The following UTS2 variants were observed in gnomAD, a reference collection of about 807,000 sequenced individuals.
UTS2 encodes urotensin 2, also known as urotensin-2.
Under a neutral mutation model 12.6 loss-of-function variants are expected in UTS2, and 10 were observed. The observed-to-expected ratio is 0.80, with a 90% CI of 0.49 to 1.35. The LOEUF is 1.35. Among genes scored for constraint, UTS2 ranks in the 40% most tolerant of loss-of-function variants. UTS2 has a pLI of 0.00. For missense variants in UTS2, 142 were observed against 143.2 expected (o/e 0.99, Z 0.04); for synonymous variants, 52 against 50.0 (o/e 1.04, Z -0.17).
chr1:7,869,714 G>A, the UTS2 span, among the ~76,000 whole-genome samples: 4 of 152,240 alleles, frequency 2.6e-5, no homozygotes, highest in African/African-American at 4.8e-5. Flanking sequence ...TCACGCACCC[G>A]AGTGATGGCC....
the UTS2 span, among the ~76,000 whole-genome samples, chr1:7,887,592 CAAAAA>C: frequency 4.8e-4 from 30 of 62,440 alleles, no homozygotes; most frequent in Admixed American, 8.0e-4. Flanking sequence ...CCAGTCTCTA[CAAAAA>C]AAAAAAAAAA....
chr1:7,875,059 T>A, the UTS2 span, among the ~76,000 whole-genome samples: 7 of 151,998 alleles, frequency 4.6e-5, no homozygotes, highest in South Asian at 1.0e-3. Flanking sequence ...TTCTTTATTT[T>A]TTTTTTCTTT....
At chr1:7,863,061 TTGTA>T in the UTS2 span, among the ~76,000 whole-genome samples, 5 of 84,304 alleles carry the variant, frequency 5.9e-5, no homozygotes, top group African/African-American at 2.1e-4. Flanking sequence ...TTGTATTGTA[TTGTA>T]TTGTATTGTA....
chr1:7,877,256 A>T, the UTS2 span, among the ~76,000 whole-genome samples: 2 of 152,152 alleles, frequency 1.3e-5, no homozygotes, highest in Non-Finnish European at 2.9e-5. Context: ...ACAGACTCCA[A>T]TGAAAAAGAG....
At chr1:7,902,529 G>T in the UTS2 span, among the ~76,000 whole-genome samples, 1 of 152,098 alleles carries the variant, frequency 6.6e-6, no homozygotes, top group Non-Finnish European at 1.5e-5. Flanking sequence ...ATCATTGTTG[G>T]ACTATTAAGT....
chr1:7,895,852 T>C, the UTS2 span, among the ~76,000 whole-genome samples: 2 of 152,242 alleles, frequency 1.3e-5, no homozygotes, highest in Non-Finnish European at 2.9e-5. Context: ...TTTCTGCTTC[T>C]ACATTTTCTT....
chr1:7,852,502 CAAAT>C (rs2307547), intron 1 of UTS2, among the ~76,000 whole-genome samples: 78,344 of 151,402 alleles, frequency 0.52, 20,702 homozygotes, highest in Middle Eastern at 0.77. Flanking sequence ...AAAGGTGAAA[CAAAT>C]AAATCCATTA....
At chr1:7,887,351 T>C in the UTS2 span, among the ~76,000 whole-genome samples, 1 of 151,908 alleles carries the variant, frequency 6.6e-6, no homozygotes, top group African/African-American at 2.4e-5. Context: ...AGCCCCTCCA[T>C]TGCCACTGGA....
At chr1:7,849,431 G>A (rs1056339550) in intron 3 of UTS2, among the ~76,000 whole-genome samples, 10 of 151,872 alleles carry the variant, frequency 6.6e-5, no homozygotes, top group Non-Finnish European at 1.0e-4. Flanking sequence ...GGCTGGTCTC[G>A]AACTTCTGAC....
chr1:7,890,964 T>TCCCCCCCCCC, the UTS2 span, among the ~76,000 whole-genome samples: 1 of 82,908 alleles, frequency 1.2e-5, no homozygotes, highest in Non-Finnish European at 2.7e-5. Context: ...TGTGATACCC[T>TCCCCCCCCCC]CCACCCCCCC....
chr1:7,848,529 G>GTATTA (rs1219397052), intron 3 of UTS2, among the ~76,000 whole-genome samples: 2 of 149,292 alleles, frequency 1.3e-5, no homozygotes, highest in East Asian at 1.9e-4. Flanking sequence ...GTATTGTATT[G>GTATTA]TATTCTTTTG....
At chr1:7,895,054 T>C in the UTS2 span, among the ~76,000 whole-genome samples, 1,553 of 151,980 alleles carry the variant, frequency 0.01, 22 homozygotes, top group African/African-American at 0.035. Context: ...AAGGACAGCA[T>C]ATGACTCAAT....
the UTS2 span, among the ~76,000 whole-genome samples, chr1:7,911,229 A>T: frequency 6.6e-6 from 1 of 152,100 alleles, no homozygotes; most frequent in Admixed American, 6.6e-5. Context: ...AAACAGCACA[A>T]TTGCAGGATG....
At chr1:7,892,367 G>A in the UTS2 span, among the ~76,000 whole-genome samples, 40,140 of 151,508 alleles carry the variant, frequency 0.26, 6,217 homozygotes, top group Non-Finnish European at 0.34. Flanking sequence ...TCTAGGGGCC[G>A]CCTGCATTCG....
At chr1:7,896,261 A>G in the UTS2 span, among the ~76,000 whole-genome samples, 35 of 147,924 alleles carry the variant, frequency 2.4e-4, 1 homozygote, top group South Asian at 4.0e-3. Context: ...TTATCCATGA[A>G]AAAAAAAAAA....
At chr1:7,872,387 T>C in the UTS2 span, among the ~76,000 whole-genome samples, 1 of 149,586 alleles carries the variant, frequency 6.7e-6, no homozygotes. Flanking sequence ...AGAAGACATG[T>C]TGAAAGCTAG....
chr1:7,869,728 G>A, the UTS2 span, among the ~76,000 whole-genome samples: 7 of 152,228 alleles, frequency 4.6e-5, no homozygotes, highest in Admixed American at 6.5e-5. Context: ...GATGGCCAGC[G>A]GAGAGGAAGT....
At chr1:7,888,216 C>T in the UTS2 span, among the ~76,000 whole-genome samples, 1 of 152,196 alleles carries the variant, frequency 6.6e-6, no homozygotes, top group Non-Finnish European at 1.5e-5. Context: ...TCTCTCTAAT[C>T]CTCTTTTCCA....
At chr1:7,867,042 G>T in the UTS2 span, among the ~76,000 whole-genome samples, 3 of 152,060 alleles carry the variant, frequency 2.0e-5, no homozygotes, top group Admixed American at 6.5e-5. Context: ...GCTAATGTTT[G>T]TATTTTTAGT....
Sources: gnomAD v4.1 joint callset for allele counts (sites outside exome capture counted in the v4.1 genomes callset) on GRCh38, gnomAD v4.1.1 for gene constraint, MANE v1.5 for transcripts, NCBI Gene and HGNC (gene_info 2026-07-23, HGNC 2026-07-21) for gene names.